Variants in SECISBP2L observed in about 807,000 individuals in gnomAD.
SECISBP2L encodes SECIS binding protein 2 like.
SECISBP2L carries 43 observed loss-of-function variants against 114.7 expected under a neutral mutation model. The ratio of observed to expected loss-of-function variants is 0.38; its 90% CI spans 0.29 to 0.48. SECISBP2L has a LOEUF of 0.48. Ranked by LOEUF, SECISBP2L falls within the 20% of genes least tolerant of loss-of-function variation. SECISBP2L has a pLI of 0.98. For synonymous variants in SECISBP2L, 451 were observed against 439.7 expected, an observed-to-expected ratio of 1.03 and a Z score of -0.32; for missense variants, 1,136 against 1,301.1, an observed-to-expected ratio of 0.87 and a Z score of 1.95.
intron 14 of SECISBP2L, among the ~76,000 whole-genome samples, chr15:49,006,752 T>C (rs1902331704): frequency 6.6e-6 from 1 of 152,130 alleles, no homozygotes; most frequent in Non-Finnish European, 1.5e-5. Flanking sequence ...CTCCTTTAGC[T>C]CGGAGGAGTT....
rs772309207 is a variant in SECISBP2L at position 49,011,758 on chromosome 15, A to G, written c.1837T>C (p.Leu613=). 1.2e-6 allele frequency: 2 copies of G among 1,614,094 alleles called. No homozygotes were observed. The highest frequency in any genetic ancestry group is 1.7e-6 in the Non-Finnish European group (2 of 1,179,974). The part of the protein sequence containing the change: ...TEMHLDFIDD[L]PQEIVSQEDT... ...TCCTGGGAAACAATCTCCTGTGGCA[A>G]GTCATCAATAAAATCTAAGTGCATT... Residue 613 remains leucine (L), a synonymous_variant, in exon 13 of 18, where the codon TTG becomes CTG. Transcript: ENST00000559471.
chr15:49,035,574 T>C lies in SECISBP2L; in HGVS notation c.288A>G (p.Ile96Met). ...PTGPYFAYPI[I>M]SAQPPVSTEY... ...CTGTAGAAACAGGCGGCTGAGCAGA[T>C]ATAATGGGATAGGCAAAGTATGGTC... The change falls in exon 3 of 18, where the codon ATA becomes ATG. Residue 96 changes from isoleucine (I) to methionine (M), a missense_variant. Transcript: ENST00000559471. The C allele has an allele frequency of 2.5e-6, 4 of 1,614,190 alleles. No individual in the cohort carries two copies.
At position 48,992,093 on chromosome 15, in the gene SECISBP2L, C is replaced by T. The variant is rs896252450; in HGVS notation, c.*151G>A. ...TAGATACTAATTAAAAGCTAAGCTACAGATCATAACAAGTAAAAGCTACAA... is the reference window on the plus strand; with the variant it reads ...TAGATACTAATTAAAAGCTAAGCTATAGATCATAACAAGTAAAAGCTACAA... On this transcript the variant is annotated 3_prime_UTR_variant, in exon 18 of 18. Transcript: ENST00000559471. The T allele has an allele frequency of 1.8e-5, 12 of 667,958 alleles. No individual in the cohort carries two copies. The highest frequency in any genetic ancestry group is 1.6e-4 in the African/African-American group (9 of 55,642). 41.4% of individuals were successfully genotyped at this position (667,958 alleles called of 1,614,324 possible). A position where few individuals can be genotyped will look rare whatever the true frequency, so the allele number is the denominator to read the frequency against.
Position 49,011,534 on chromosome 15 carries a change from T to C in SECISBP2L, c.1864+197A>G, listed in dbSNP as rs376129715. 47 of 585,356 alleles carry C rather than the reference T, an allele frequency of 8.0e-5. No individual in the cohort carries two copies. In the African/African-American group the frequency reaches 8.5e-4, roughly 11 times the overall value. The allele number at this position is 585,356 out of a possible 1,614,324, so 36.3% of individuals were successfully genotyped here. On this transcript the variant is annotated intron_variant, in intron 13 of 17. Coordinates refer to ENST00000559471, the MANE Select transcript of SECISBP2L (RefSeq NM_001193489.2). ...CCTCAAAAATGTCATAGGCCTACTA[T>C]ATAATACCTGTCCCCTTCTCTTTAA...
At chr15:49,040,524 A>ATTTTT (rs1489343303) in intron 1 of SECISBP2L, among the ~76,000 whole-genome samples, 1 of 71,130 alleles carries the variant, frequency 1.4e-5, no homozygotes, top group Admixed American at 1.5e-4. Flanking sequence ...ATCCCAAACT[A>ATTTTT]TTCTTTTTTT....
intron 14 of SECISBP2L, among the ~76,000 whole-genome samples, chr15:49,003,664 A>T (rs557136669): frequency 4.6e-5 from 7 of 152,192 alleles, no homozygotes; most frequent in African/African-American, 1.7e-4. Flanking sequence ...GTTGAATTTT[A>T]TCGAGGGCCT....
chr15:49,046,336 G>T lies in SECISBP2L; in HGVS notation c.-37C>A. Reference sequence around the variant, plus strand: ...CCGCAACGGGCCCGCGCTAGTCGGTGTAAACAGCGCCTCGGGCCGCTTTCT... The same window carrying T: ...CCGCAACGGGCCCGCGCTAGTCGGTTTAAACAGCGCCTCGGGCCGCTTTCT... On this transcript the variant is annotated 5_prime_UTR_variant, in exon 1 of 18. The change creates a premature stop within an existing upstream ORF in the 5' untranslated region. Transcript: ENST00000559471. 3 of 1,503,602 alleles carry T rather than the reference G, an allele frequency of 2.0e-6. No individual in the cohort carries two copies. The highest frequency in any genetic ancestry group is 2.7e-6 in the Non-Finnish European group (3 of 1,123,144). The allele number at this position is 1,503,602 out of a possible 1,614,324, so 93.1% of individuals were successfully genotyped here.
chr15:49,041,732 C>T (rs1903135535), intron 1 of SECISBP2L, among the ~76,000 whole-genome samples: 1 of 152,142 alleles, frequency 6.6e-6, no homozygotes, highest in African/African-American at 2.4e-5. Flanking sequence ...GTACCACACA[C>T]CCACAGAAAA....
Position 49,016,840 on chromosome 15 carries a change from A to G in SECISBP2L, c.1419+8T>C, listed in dbSNP as rs776343882. On this transcript the variant is annotated splice_region_variant and intron_variant, in intron 10 of 17. Transcript: ENST00000559471. Reference sequence around the variant, plus strand: ...CTATCACATTTGTTCATAAAAATGAATATGTACCTGTAATTTTTTTTGCTC... The same window carrying G: ...CTATCACATTTGTTCATAAAAATGAGTATGTACCTGTAATTTTTTTTGCTC... The G allele has an allele frequency of 6.2e-6, 10 of 1,609,986 alleles. No homozygotes were observed. Among genetic ancestry groups the G allele is most frequent in the Non-Finnish European group, 8.5e-6 (10 of 1,178,630 alleles).
At chr15:49,029,534 G>A (rs1902837579) in intron 4 of SECISBP2L, among the ~76,000 whole-genome samples, 2 of 152,138 alleles carry the variant, frequency 1.3e-5, no homozygotes, top group Admixed American at 6.5e-5. Context: ...ATACCACAGT[G>A]TACTTATCCT....
chr15:49,010,803 C>T (rs957547901), intron 13 of SECISBP2L, among the ~76,000 whole-genome samples: 7 of 152,194 alleles, frequency 4.6e-5, no homozygotes, highest in South Asian at 2.1e-4. Flanking sequence ...TGAGCCACTG[C>T]GCCCAGCCCA....
Position 48,992,850 on chromosome 15 carries a change from C to A in SECISBP2L, c.2700G>T (p.Lys900Asn). The A allele has an allele frequency of 1.2e-6, 2 of 1,614,118 alleles. No individual in the cohort carries two copies. The highest frequency in any genetic ancestry group is 8.5e-7 in the Non-Finnish European group (1 of 1,180,018). ...ASENEKEVSC[K>N]HSTSEKPSKL... Reference sequence around the variant, plus strand: ...TACTGGGTTTTTCAGAAGTGCTGTGCTTACAGGATACCTCTTTCTCATTTT... The same window carrying A: ...TACTGGGTTTTTCAGAAGTGCTGTGATTACAGGATACCTCTTTCTCATTTT... The change falls in exon 18 of 18, where the codon AAG becomes AAT. Residue 900 changes from lysine (K) to asparagine (N), a missense_variant. By Grantham distance (94) the Lys-to-Asn change is moderately conservative. Transcript: ENST00000559471.
rs1283299500 is a variant in SECISBP2L, at chr15:48,992,233, C to G, written c.*11G>C. The G allele has an allele frequency of 1.9e-6, 3 of 1,581,514 alleles. No homozygotes were observed. The highest frequency in any genetic ancestry group is 2.6e-6 in the Non-Finnish European group (3 of 1,163,190). On this transcript the variant is annotated 3_prime_UTR_variant, in exon 18 of 18. Transcript: ENST00000559471. ...TCCACAGCTGGAGATAGAGAGCCGACATTTCCTGAGTTACGTAGTTTGCGT... is the reference window on the plus strand; with the variant it reads ...TCCACAGCTGGAGATAGAGAGCCGAGATTTCCTGAGTTACGTAGTTTGCGT...
chr15:49,033,006 C>T lies in SECISBP2L; in HGVS notation c.623G>A (p.Arg208Gln), dbSNP rs760749541. 7.4e-6 allele frequency: 12 copies of T among 1,613,768 alleles called. No homozygotes were observed. In the Admixed American group the frequency reaches 1.5e-4, roughly 20 times the overall value. The change falls in exon 4 of 18, where the codon CGA becomes CAA. Residue 208 changes from arginine to glutamine, a missense_variant. Arg to Gln is a conservative substitution (Grantham distance 43). This residue lies in a region of SECISBP2L where 452 missense variants were observed against 452.3 expected (regional missense o/e 1.00). Coordinates refer to ENST00000559471, the MANE Select transcript of SECISBP2L (RefSeq NM_001193489.2). ...ATCTACCAGAAGCACAATTTTTGATCGACTATCAGGACCTGCTGCATTTGT... is the reference window on the plus strand; with the variant it reads ...ATCTACCAGAAGCACAATTTTTGATTGACTATCAGGACCTGCTGCATTTGT... ...KETNAAGPDS[R>Q]SKIVLLVDAS...
In SECISBP2L at chr15:49,035,651, G is replaced by C; in HGVS notation, c.211C>G (p.Pro71Ala). ...VQENQSNRQF[P>A]LYNNDIRWQQ... ...CATCGTATATCATTGTTATATAAAGGAAACTGTCTGCAAAACCAAATCAAA... is the reference window on the plus strand; with the variant it reads ...CATCGTATATCATTGTTATATAAAGCAAACTGTCTGCAAAACCAAATCAAA... The change falls in exon 3 of 18, where the codon CCT becomes GCT. Residue 71 changes from proline (P) to alanine (A), a missense_variant. Pro to Ala is a conservative substitution (Grantham distance 27). Around this residue, in one of 2 missense-constraint regions of SECISBP2L, gnomAD observed 452 missense variants for 452.3 expected, o/e 1.00. Transcript: ENST00000559471. 6.3e-7 allele frequency: 1 copy of C among 1,599,584 alleles called. No homozygotes were observed. The highest frequency in any genetic ancestry group is 1.3e-5 in the African/African-American group (1 of 74,502).
intron 9 of SECISBP2L, 129 bp downstream of exon 9, chr15:49,017,419 T>A: frequency 3.1e-6 from 2 of 639,346 alleles, no homozygotes; most frequent in South Asian, 3.7e-5. Flanking sequence ...TAAAGATAGG[T>A]ACTAAACACC....
At position 48,996,467 on chromosome 15, in the gene SECISBP2L, T is replaced by C; in HGVS notation, c.2523A>G (p.Pro841=). ...GATTCCGAGAATGTCCCATGTGGTG[T>C]GGTACCTTCTTCACATTCTTTAAGG... The part of the protein sequence containing the change: ...EEALKNVKKV[P]HHMGHSRNPS... The change falls in exon 17 of 18, where the codon CCA becomes CCG. Residue 841 remains proline, a synonymous_variant. Transcript: ENST00000559471. The C allele has an allele frequency of 6.2e-7, 1 of 1,614,128 alleles. No individual in the cohort carries two copies. The highest frequency in any genetic ancestry group is 8.5e-7 in the Non-Finnish European group (1 of 1,180,008).
Position 48,990,940 on chromosome 15 carries a change from C to T in SECISBP2L, c.*1304G>A, listed in dbSNP as rs199792817. ...TGTCATTCTTCCACCATTACATAAACTTGTAAAGTCACTGAAGTCCAGGTG... is the reference window on the plus strand; with the variant it reads ...TGTCATTCTTCCACCATTACATAAATTTGTAAAGTCACTGAAGTCCAGGTG... On this transcript the variant is annotated 3_prime_UTR_variant, in exon 18 of 18. Transcript: ENST00000559471. The T allele has an allele frequency of 2.0e-5, 3 of 152,262 alleles. No individual in the cohort carries two copies. The highest frequency in any genetic ancestry group is 3.9e-4 in the East Asian group (2 of 5,184). 9.4% of individuals were successfully genotyped at this position (152,262 alleles called of 1,614,324 possible).
intron 4 of SECISBP2L, 78 bp downstream of exon 4, chr15:49,032,887 G>A: frequency 1.3e-6 from 2 of 1,541,454 alleles, no homozygotes; most frequent in South Asian, 1.2e-5. Flanking sequence ...CTGACAAGTG[G>A]TTCAGACCAC....
Sources: allele counts gnomAD v4.1 joint callset (sites outside exome capture counted in the v4.1 genomes callset), GRCh38; gene constraint gnomAD v4.1.1; regional missense constraint gnomAD v4.1.1; transcripts MANE v1.5; gene names NCBI Gene and HGNC (gene_info 2026-07-23, HGNC 2026-07-21).